MIB2: variants seen among roughly 807,000 people sequenced by gnomAD.
MIB2 encodes MIB E3 ubiquitin protein ligase 2, also known as E3 ubiquitin-protein ligase MIB2.
MIB2 carries 78 observed loss-of-function variants against 96.6 expected under a neutral mutation model. The ratio of observed to expected loss-of-function variants is 0.81; its 90% CI spans 0.67 to 0.97. MIB2 has a LOEUF of 0.97. MIB2 is among the 50% of genes least tolerant of loss of function. The pLI is 0.00. For synonymous variants in MIB2, 820 were observed against 629.5 expected (o/e 1.30, Z -4.53); for missense variants, 1,543 against 1,424.0 (o/e 1.08, Z -1.35).
chr1:1,615,922 G>T, intron 1 of MIB2: 1 of 996,414 alleles, frequency 1.0e-6, no homozygotes, highest in Non-Finnish European at 1.2e-6. Flanking sequence ...TCGTCGTCCG[G>T]GCCGGGTGGG....
In MIB2 at chr1:1,628,508, T is replaced by G; in HGVS notation, c.1988T>G (p.Val663Gly). The change falls in exon 16 of 20, where the codon GTG becomes GGG. Residue 663 changes from valine (V) to glycine (G), a missense_variant. Physicochemically the swap from Val to Gly is moderately radical, Grantham distance 109. Coordinates refer to ENST00000355826, the MANE Select transcript of MIB2 (RefSeq NM_001170687.4). ...LIREGRCDVN[V>G]RNRKLQSPLH... Reference sequence around the variant, plus strand: ...CCCCAGGGCCGCTGTGACGTGAACGTGCGCAACCGGAAGCTGCAGTCCCCG... The same window carrying G: ...CCCCAGGGCCGCTGTGACGTGAACGGGCGCAACCGGAAGCTGCAGTCCCCG... 6.2e-7 allele frequency: 1 copy of G among 1,600,538 alleles called. No homozygotes were observed. Among genetic ancestry groups the G allele is most frequent in the Non-Finnish European group, 8.5e-7 (1 of 1,178,154 alleles).
chr1:1,625,962 G>GA lies in MIB2; in HGVS notation c.972+310dup, dbSNP rs1464828961. The GA allele has an allele frequency of 1.9e-5, 9 of 467,268 alleles. No homozygotes were observed. The highest frequency in any genetic ancestry group is 3.1e-5 in the Non-Finnish European group (8 of 256,210). The allele number at this position is 467,268 out of a possible 1,614,324, so 28.9% of individuals were successfully genotyped here. On this transcript the variant is annotated intron_variant, in intron 8 of 19. Coordinates refer to ENST00000355826, the MANE Select transcript of MIB2 (RefSeq NM_001170687.4). This position sits in a 1 kb window ranked among gnomAD's most constrained non-coding sequence, Gnocchi z 5.0. ...GGCGGGAGGGAGGCGGCTGGGCTAA[G>GA]ATGCTCCTGGTTAGTGCTGTATGGG...
intron 2 of MIB2, chr1:1,623,122 C>T (rs528900066): frequency 1.0e-5 from 5 of 494,672 alleles, no homozygotes; most frequent in Admixed American, 7.9e-5. Flanking sequence ...TGGTGGTTTT[C>T]TTCCGAGAGC....
At chr1:1,628,233 G>A (rs1305498745) in intron 14 of MIB2, 40 bp from the exon 15 acceptor site, 3 of 1,612,634 alleles carry the variant, frequency 1.9e-6, no homozygotes, top group Non-Finnish European at 2.5e-6. Context: ...TGCTGCCTGG[G>A]GGCAGTCCCA....
chr1:1,619,293 T>G (rs1308071909), intron 2 of MIB2: 1 of 152,208 alleles, frequency 6.6e-6, no homozygotes, highest in Non-Finnish European at 1.5e-5. Flanking sequence ...GAGAATGGCG[T>G]GAACTTGGGA....
upstream of MIB2, chr1:1,615,457 G>A: frequency 6.6e-7 from 1 of 1,515,826 alleles, no homozygotes; most frequent in Non-Finnish European, 8.8e-7. Flanking sequence ...CGGGGGCGTG[G>A]CCATGGCGGG....
Position 1,629,264 on chromosome 1 carries a change from C to T in MIB2, c.2334C>T (p.Ala778=). 5 of 1,543,972 alleles carry T rather than the reference C, an allele frequency of 3.2e-6. No individual in the cohort carries two copies. Among genetic ancestry groups the T allele is most frequent in the Non-Finnish European group, 4.3e-6 (5 of 1,156,816 alleles). Residue 778 remains alanine (A), a synonymous_variant, in exon 17 of 20, where the codon GCC becomes GCT. Coordinates refer to ENST00000355826, the MANE Select transcript of MIB2 (RefSeq NM_001170687.4). ...GTCGGAGCCCGCTGGACCTGGCCGCCGAGGGTCGCGTGCTCAAGGCCCTTC... is the reference window on the plus strand; with the variant it reads ...GTCGGAGCCCGCTGGACCTGGCCGCTGAGGGTCGCGTGCTCAAGGCCCTTC... ...HRGRSPLDLA[A]EGRVLKALQG...
intron 2 of MIB2, chr1:1,617,780 C>T (rs1412854497): frequency 6.6e-6 from 1 of 152,244 alleles, no homozygotes; most frequent in African/African-American, 2.4e-5. Flanking sequence ...CCCTGACTGC[C>T]TCCATCATTT....
chr1:1,616,754 C>A, intron 2 of MIB2, 140 bp downstream of exon 2: 1 of 655,068 alleles, frequency 1.5e-6, no homozygotes, highest in Non-Finnish European at 2.6e-6. Flanking sequence ...AATCCCGCGT[C>A]TCCTCTCTGA....
chr1:1,628,090 C>T lies in MIB2; in HGVS notation c.1752C>T (p.Val584=), dbSNP rs767997965. ...AGTGASGIVE[V]LTEVPNIDVT... ...CTGGAGCCAGCGGCATTGTCGAGGT[C>T]CTCACGGAGGTGCCAAACATCGATG... Residue 584 remains valine, a synonymous_variant, in exon 14 of 20, where the codon GTC becomes GTT. Coordinates refer to ENST00000355826, the MANE Select transcript of MIB2 (RefSeq NM_001170687.4). 3.6e-5 allele frequency: 58 copies of T among 1,613,178 alleles called. No homozygotes were observed. Among genetic ancestry groups the T allele is most frequent in the Non-Finnish European group, 4.7e-5 (56 of 1,180,000 alleles).
chr1:1,622,106 C>G (rs1460906063), intron 2 of MIB2, among the ~76,000 whole-genome samples: 1 of 152,206 alleles, frequency 6.6e-6, no homozygotes, highest in African/African-American at 2.4e-5. Context: ...TGGCAGGGCC[C>G]CCTCCCATCC....
Position 1,625,294 on chromosome 1 carries a change from G to T in MIB2, c.730G>T (p.Ala244Ser), listed in dbSNP as rs1254006318. 3.1e-6 allele frequency: 5 copies of T among 1,588,996 alleles called. No homozygotes were observed. The highest frequency in any genetic ancestry group is 2.3e-5 in the East Asian group (1 of 43,640). Reference sequence around the variant, plus strand: ...TCTGCCACCCTCCGCAGGCAAGCCGGCGGAGCTGCAGCGCAGGGTGAGTGC... The same window carrying T: ...TCTGCCACCCTCCGCAGGCAAGCCGTCGGAGCTGCAGCGCAGGGTGAGTGC... The part of the protein sequence containing the change: ...KDHLPRLGKP[A>S]ELQRRVSADS... The change falls in exon 7 of 20, where the codon GCG (alanine) becomes TCG (serine). Residue 244 changes from alanine to serine, a missense_variant. Ala to Ser is a moderately conservative substitution (Grantham distance 99). Coordinates refer to ENST00000355826, the MANE Select transcript of MIB2 (RefSeq NM_001170687.4). This position sits in a 1 kb window ranked among gnomAD's most constrained non-coding sequence, Gnocchi z 5.0.
upstream of MIB2, chr1:1,615,205 A>T (rs1434456590): frequency 8.4e-6 from 5 of 598,426 alleles, no homozygotes; most frequent in Non-Finnish European, 1.3e-5. Flanking sequence ...AACCCCGGAT[A>T]GGGCCCGCAC....
chr1:1,625,975 A>C lies in MIB2; in HGVS notation c.972+322A>C, dbSNP rs1300188236. ...CGGCTGGGCTAAGATGCTCCTGGTT[A>C]GTGCTGTATGGGGGCCGATGGGGGT... is the stretch of plus-strand genomic sequence containing the variant. On this transcript the variant is annotated intron_variant, in intron 8 of 19. Transcript: ENST00000355826. This position sits in a 1 kb window ranked among gnomAD's most constrained non-coding sequence, Gnocchi z 5.0. 2.7e-6 allele frequency: 1 copy of C among 376,464 alleles called. No homozygotes were observed. Among genetic ancestry groups the C allele is most frequent in the East Asian group, 5.1e-5 (1 of 19,538 alleles). The allele number at this position is 376,464 out of a possible 1,614,324, so 23.3% of individuals were successfully genotyped here. A position where few individuals can be genotyped will look rare whatever the true frequency, so the allele number is the denominator to read the frequency against.
In MIB2 at chr1:1,615,502, C is replaced by T. The variant is rs1221279073; in HGVS notation, c.-261C>T. ...GCGGGGGCGGGCCCTGGGCTCCCGC[C>T]CTTCGGGTCCCACAGTTTCCAGCCG... On this transcript the variant is annotated 5_prime_UTR_variant, in exon 1 of 20. Coordinates refer to ENST00000355826, the MANE Select transcript of MIB2 (RefSeq NM_001170687.4). 23 of 1,528,134 alleles carry T rather than the reference C, an allele frequency of 1.5e-5. No homozygotes were observed. Among genetic ancestry groups the T allele is most frequent in the Admixed American group, 2.0e-5 (1 of 50,574 alleles). 94.7% of individuals were successfully genotyped at this position (1,528,134 alleles called of 1,614,324 possible). A position where few individuals can be genotyped will look rare whatever the true frequency, so the allele number is the denominator to read the frequency against.
In MIB2 at chr1:1,628,481, C is replaced by A. The variant is rs368405737; in HGVS notation, c.1969-8C>A. The A allele has an allele frequency of 1.8e-5, 29 of 1,595,668 alleles. No homozygotes were observed. The highest frequency in any genetic ancestry group is 2.5e-5 in the Non-Finnish European group (29 of 1,174,818). On this transcript the variant is annotated splice_region_variant and splice_polypyrimidine_tract_variant and intron_variant, in intron 15 of 19. Coordinates refer to ENST00000355826, the MANE Select transcript of MIB2 (RefSeq NM_001170687.4). ...CCCTGGGCTGAGCCCGTCCCCACCC[C>A]TCCCCAGGGCCGCTGTGACGTGAAC...
Position 1,625,507 on chromosome 1 carries a change from T to G in MIB2, c.865-39T>G. 1 of 1,519,330 alleles carries G rather than the reference T, an allele frequency of 6.6e-7. No individual in the cohort carries two copies. The highest frequency in any genetic ancestry group is 8.9e-7 in the Non-Finnish European group (1 of 1,124,208). 94.1% of individuals were successfully genotyped at this position (1,519,330 alleles called of 1,614,324 possible). ...CCCTCAGCCCCTTCCTCCCCAAGCG[T>G]CCAGCCCGACCCAGCCACAGCTCCA... On this transcript the variant is annotated intron_variant, in intron 7 of 19. Coordinates refer to ENST00000355826, the MANE Select transcript of MIB2 (RefSeq NM_001170687.4). The surrounding 1 kb of genome is among the most constrained non-coding windows in gnomAD (Gnocchi z 5.0).
At position 1,626,715 on chromosome 1, in the gene MIB2, G is replaced by A. The variant is rs1485488965; in HGVS notation, c.1038G>A (p.Leu346=). 2 of 1,601,194 alleles carry A rather than the reference G, an allele frequency of 1.2e-6. No individual in the cohort carries two copies. Among genetic ancestry groups the A allele is most frequent in the Non-Finnish European group, 8.5e-7 (1 of 1,173,802 alleles). Residue 346 remains leucine (L), a synonymous_variant, in exon 9 of 20, where the codon CTG becomes CTA. Coordinates refer to ENST00000355826, the MANE Select transcript of MIB2 (RefSeq NM_001170687.4). The surrounding 1 kb of genome is among the most constrained non-coding windows in gnomAD (Gnocchi z 5.3). ...GCGACCTTGACACAGTGAAGCGGCT[G>A]CAGGCTGGGCATGGCGAGTGGACGG... The part of the protein sequence containing the change: ...VIGDLDTVKR[L]QAGHGEWTDD...
intron 15 of MIB2, 28 bp downstream of exon 15, chr1:1,628,427 G>A (rs1645024018): frequency 1.9e-6 from 3 of 1,605,034 alleles, no homozygotes; most frequent in South Asian, 2.2e-5. Context: ...TCCTGCCCAA[G>A]GACCGGGGAG....
Sources: allele counts gnomAD v4.1 joint callset (sites outside exome capture counted in the v4.1 genomes callset), GRCh38; gene constraint gnomAD v4.1.1; non-coding constraint Gnocchi (gnomAD v3.1); transcripts MANE v1.5; gene names NCBI Gene and HGNC (gene_info 2026-07-23, HGNC 2026-07-21).